TMCO5A: variants seen among roughly 807,000 people sequenced by gnomAD.
The protein encoded by TMCO5A is transmembrane and coiled-coil domain-containing protein 5A.
In TMCO5A, 34 loss-of-function variants were observed where a neutral mutation model predicts 42.3. That is an observed-to-expected ratio of 0.80 (90% confidence interval 0.61 to 1.07). The LOEUF is 1.07. Ranked by LOEUF, TMCO5A falls within the 50% of genes least tolerant of loss-of-function variation. The probability of loss-of-function intolerance (pLI) is 0.00; values close to 1 mark genes in which losing one functional copy is unlikely to be tolerated. For missense variants in TMCO5A, 357 were observed against 327.9 expected (o/e 1.09, Z -0.69); for synonymous variants, 131 against 115.6 (o/e 1.13, Z -0.86).
the TMCO5A span, among the ~76,000 whole-genome samples, chr15:38,018,243 T>A: frequency 5.9e-5 from 9 of 151,984 alleles, no homozygotes; most frequent in African/African-American, 2.2e-4. Context: ...AAGAAGAAAG[T>A]CAACAGGCTA....
the TMCO5A span, among the ~76,000 whole-genome samples, chr15:38,012,123 C>CAAAAAAAAAAA: frequency 5.8e-4 from 57 of 98,468 alleles, no homozygotes; most frequent in African/African-American, 1.8e-3. Context: ...GACTCCGTCT[C>CAAAAAAAAAAA]AAAAAAAAAA....
At chr15:38,038,137 TATAG>T in the TMCO5A span, among the ~76,000 whole-genome samples, 1 of 152,198 alleles carries the variant, frequency 6.6e-6, no homozygotes, top group African/African-American at 2.4e-5. Flanking sequence ...CATTTTCTTT[TATAG>T]ATATAGAAAA....
At chr15:38,011,012 G>T in the TMCO5A span, among the ~76,000 whole-genome samples, 1 of 152,312 alleles carries the variant, frequency 6.6e-6, no homozygotes, top group Non-Finnish European at 1.5e-5. Context: ...CTCCCAAAGT[G>T]CTGGGATCAC....
At chr15:37,966,570 C>G in intron 11 of TMCO5A, 1 of 702,796 alleles carries the variant, frequency 1.4e-6, no homozygotes, top group South Asian at 1.5e-5. Context: ...AAGGCTACAG[C>G]AAGAAACCTC....
At chr15:37,968,095 C>A (rs1276446521), downstream of TMCO5A, among the ~76,000 whole-genome samples, 3 of 152,194 alleles carry the variant, frequency 2.0e-5, no homozygotes, top group African/African-American at 7.2e-5. Flanking sequence ...AGGTGGATTT[C>A]ATTCTTCAGT....
chr15:37,960,297 T>G (rs1890391209), intron 11 of TMCO5A, among the ~76,000 whole-genome samples: 1 of 152,098 alleles, frequency 6.6e-6, no homozygotes, highest in South Asian at 2.1e-4. Context: ...GGTTTTCCAT[T>G]CCTGAGTTAC....
chr15:37,970,527 A>T (rs1268517046), downstream of TMCO5A, among the ~76,000 whole-genome samples: 16 of 152,292 alleles, frequency 1.1e-4, no homozygotes, highest in Non-Finnish European at 7.4e-5. Context: ...TTTTAAAACC[A>T]ATCATGCCTT....
chr15:37,962,763 G>A (rs1006086218), intron 11 of TMCO5A, among the ~76,000 whole-genome samples: 2 of 152,006 alleles, frequency 1.3e-5, no homozygotes, highest in Non-Finnish European at 2.9e-5. Context: ...CCCAGTTTAA[G>A]CTAGGAGGGT....
chr15:37,987,639 T>C, the TMCO5A span, among the ~76,000 whole-genome samples: 2 of 151,952 alleles, frequency 1.3e-5, no homozygotes, highest in Non-Finnish European at 2.9e-5. Context: ...CCCCAGTGAA[T>C]TGTCTTGGCA....
the TMCO5A span, among the ~76,000 whole-genome samples, chr15:38,014,083 T>A: frequency 1.3e-5 from 2 of 152,200 alleles, no homozygotes; most frequent in Admixed American, 1.3e-4. Flanking sequence ...TGCAATTACA[T>A]TGGGTCCATG....
At chr15:38,036,968 A>T in the TMCO5A span, among the ~76,000 whole-genome samples, 1 of 152,158 alleles carries the variant, frequency 6.6e-6, no homozygotes, top group African/African-American at 2.4e-5. Context: ...TGGGGTATGT[A>T]CCTCCTAACA....
At chr15:37,972,571 T>C (rs1254099696), downstream of TMCO5A, among the ~76,000 whole-genome samples, 1 of 152,222 alleles carries the variant, frequency 6.6e-6, no homozygotes, top group Non-Finnish European at 1.5e-5. Context: ...TTCTTGACCA[T>C]ATGTATGTCT....
intron 9 of TMCO5A, chr15:37,942,961 C>CTA (rs144647678): frequency 9.5e-5 from 15 of 158,662 alleles, no homozygotes; most frequent in Middle Eastern, 3.0e-3. Flanking sequence ...TAGCCTCTCT[C>CTA]TATATATATA....
chr15:38,033,423 CAT>C, the TMCO5A span, among the ~76,000 whole-genome samples: 1 of 152,078 alleles, frequency 6.6e-6, no homozygotes, highest in African/African-American at 2.4e-5. Context: ...TAATTTATCT[CAT>C]GTTACAGTTA....
the TMCO5A span, among the ~76,000 whole-genome samples, chr15:37,981,665 A>T: frequency 6.6e-6 from 1 of 152,116 alleles, no homozygotes; most frequent in Non-Finnish European, 1.5e-5. Context: ...AAATATAGAA[A>T]ACAAAATACA....
chr15:37,967,225 A>G (rs1595612495), exon 12 of TMCO5A: 1 of 152,464 alleles, frequency 6.6e-6, no homozygotes, highest in African/African-American at 2.4e-5. Flanking sequence ...TATTTTTCCA[A>G]TTAATTGCTG....
the TMCO5A span, among the ~76,000 whole-genome samples, chr15:38,029,200 T>C: frequency 6.6e-6 from 1 of 152,170 alleles, no homozygotes; most frequent in Non-Finnish European, 1.5e-5. Flanking sequence ...TTTGGCTCTC[T>C]GTGTTTAACA....
the TMCO5A span, among the ~76,000 whole-genome samples, chr15:38,011,654 G>A: frequency 6.6e-6 from 1 of 152,038 alleles, no homozygotes; most frequent in African/African-American, 2.4e-5. Flanking sequence ...ATTATAGAAT[G>A]CAGGACTGTT....
chr15:37,952,594 G>A (rs1595601554), downstream of TMCO5A, among the ~76,000 whole-genome samples: 1 of 152,186 alleles, frequency 6.6e-6, no homozygotes, highest in Admixed American at 6.6e-5. Flanking sequence ...GAGGGCTTTA[G>A]GTGAGACCCT....
Sources: allele counts gnomAD v4.1 joint callset (sites outside exome capture counted in the v4.1 genomes callset), GRCh38; gene constraint gnomAD v4.1.1; transcripts MANE v1.5; gene names NCBI Gene and HGNC (gene_info 2026-07-23, HGNC 2026-07-21).